CALN1: variants seen among roughly 807,000 people sequenced by gnomAD.
CALN1 encodes calneuron 1, also known as calcium-binding protein 8.
Under a neutral mutation model 30.6 loss-of-function variants are expected in CALN1, and 17 were observed. The observed-to-expected ratio is 0.56, with a 90% confidence interval of 0.38 to 0.83. The LOEUF (loss-of-function observed/expected upper bound fraction) is 0.83, where lower values mean the gene tolerates loss of function less well. Ranked by LOEUF, CALN1 falls within the 40% of genes least tolerant of loss-of-function variation. The pLI is 0.00. For missense variants in CALN1, 291 were observed against 354.9 expected (o/e 0.82, Z 1.45); for synonymous variants, 156 against 131.4 (o/e 1.19, Z -1.28).
At chr7:72,177,749 A>AG (rs57392713) in intron 3 of CALN1, among the ~76,000 whole-genome samples, 44,931 of 119,922 alleles carry the variant, frequency 0.37, 8,042 homozygotes, top group East Asian at 0.56. Context: ...TGGGCGACAG[A>AG]GGGAAAAAAA....
chr7:72,292,265 ATTC>A (rs1457525016), intron 2 of CALN1, among the ~76,000 whole-genome samples: 2 of 151,764 alleles, frequency 1.3e-5, no homozygotes, highest in Non-Finnish European at 2.9e-5. Context: ...GCTTGATCAA[ATTC>A]TTGATGAAGA....
the CALN1 span, among the ~76,000 whole-genome samples, chr7:72,501,982 CAT>C: frequency 0.057 from 6,390 of 112,762 alleles, 530 homozygotes; most frequent in Non-Finnish European, 0.079. Flanking sequence ...TATATACACA[CAT>C]ATATATATAA....
At chr7:71,788,488 GTTGTTTTTTTTTT>G (rs1481657251) in intron 6 of CALN1, among the ~76,000 whole-genome samples, 7 of 120,452 alleles carry the variant, frequency 5.8e-5, no homozygotes, top group Non-Finnish European at 1.2e-4. Flanking sequence ...GTTTTTTTTT[GTTGTTTTTTTTTT>G]TTTTTTTAGA....
At chr7:72,028,664 T>A (rs191503194) in intron 4 of CALN1, among the ~76,000 whole-genome samples, 1 of 152,320 alleles carries the variant, frequency 6.6e-6, no homozygotes, top group African/African-American at 2.4e-5. Context: ...GGCCAATGTA[T>A]GTTTTTCGCT....
intron 4 of CALN1, among the ~76,000 whole-genome samples, chr7:72,094,143 T>C (rs1047211276): frequency 1.3e-5 from 2 of 152,220 alleles, no homozygotes; most frequent in African/African-American, 2.4e-5. Flanking sequence ...CTGATGTGAA[T>C]GAACAGAGAA....
At chr7:71,829,900 C>A (rs1035763443) in intron 5 of CALN1, among the ~76,000 whole-genome samples, 1 of 152,160 alleles carries the variant, frequency 6.6e-6, no homozygotes, top group Non-Finnish European at 1.5e-5. Context: ...TCAAGTGGTT[C>A]ATTTTATGTG....
At chr7:71,928,351 A>G (rs918149215) in intron 5 of CALN1, among the ~76,000 whole-genome samples, 4 of 151,576 alleles carry the variant, frequency 2.6e-5, no homozygotes, top group Non-Finnish European at 5.9e-5. Context: ...GTTGTGTCCA[A>G]TCTCTCCTTG....
At chr7:72,503,554 T>C in the CALN1 span, among the ~76,000 whole-genome samples, 1 of 152,220 alleles carries the variant, frequency 6.6e-6, no homozygotes, top group Non-Finnish European at 1.5e-5. Flanking sequence ...TTCTGCAAGC[T>C]TGAGTTTCTC....
chr7:71,943,301 T>C (rs1165144874), intron 5 of CALN1, among the ~76,000 whole-genome samples: 3 of 152,224 alleles, frequency 2.0e-5, no homozygotes, highest in Non-Finnish European at 4.4e-5. Flanking sequence ...GTAGATACAG[T>C]ACTGCAGAGT....
chr7:72,027,449 G>A (rs1283288574), intron 4 of CALN1, among the ~76,000 whole-genome samples: 1 of 152,128 alleles, frequency 6.6e-6, no homozygotes, highest in African/African-American at 2.4e-5. Context: ...AGTGGCTCAT[G>A]CCTGTAATCC....
intron 5 of CALN1, among the ~76,000 whole-genome samples, chr7:71,966,086 T>A (rs911461473): frequency 8.3e-4 from 126 of 152,342 alleles, no homozygotes; most frequent in African/African-American, 2.8e-3. Context: ...ACCTGAAGGA[T>A]ATACAGTCTG....
intron 2 of CALN1, among the ~76,000 whole-genome samples, chr7:72,299,452 T>C (rs997252253): frequency 4.6e-5 from 1 of 21,902 alleles, no homozygotes; most frequent in South Asian, 1.4e-3. Context: ...TCATCTTTCA[T>C]AGTTAAGAGG....
At position 71,803,949 on chromosome 7, in the gene CALN1, CGTGTGT is replaced by C. The variant is rs56094367; in HGVS notation, c.658+6381_658+6386del. ...GGCTGTGTATTTGTGTATGTGTGTG[CGTGTGT>C]GTGTGTGTGTGTGTGTGCGTGCATG... On this transcript the variant is annotated intron_variant, in intron 6 of 6. Transcript: ENST00000395275. Among the ~76,000 whole-genome samples the C allele has an allele frequency of 3.4e-3, 511 of 149,766 alleles. 2 individuals are homozygous for C. Among genetic ancestry groups the C allele is most frequent in the African/African-American group, 0.012 (478 of 40,994 alleles).
intron 2 of CALN1, among the ~76,000 whole-genome samples, chr7:72,401,150 CTT>C (rs1806310774): frequency 6.6e-6 from 1 of 152,198 alleles, no homozygotes; most frequent in Non-Finnish European, 1.5e-5. Flanking sequence ...TCTTCTACTC[CTT>C]TCTCTCAAGG....
intron 3 of CALN1, among the ~76,000 whole-genome samples, chr7:72,147,648 CAT>C (rs1373641359): frequency 6.6e-6 from 1 of 151,962 alleles, no homozygotes; most frequent in African/African-American, 2.4e-5. Context: ...CACATGCACA[CAT>C]ATGTTTATTG....
intron 3 of CALN1, among the ~76,000 whole-genome samples, chr7:72,232,251 C>T (rs1006522259): frequency 1.3e-5 from 2 of 152,100 alleles, no homozygotes; most frequent in African/African-American, 4.8e-5. Flanking sequence ...ACTAAAGATC[C>T]CATTGTAGAA....
intron 2 of CALN1, among the ~76,000 whole-genome samples, chr7:72,358,679 G>C (rs954810968): frequency 1.3e-5 from 2 of 152,050 alleles, no homozygotes; most frequent in Non-Finnish European, 2.9e-5. Context: ...GGCCAGGCGC[G>C]GTGGCTCACA....
intron 6 of CALN1, among the ~76,000 whole-genome samples, chr7:71,794,962 G>T (rs1786804318): frequency 6.6e-6 from 1 of 152,178 alleles, no homozygotes; most frequent in African/African-American, 2.4e-5. Context: ...CAGCCAAGCA[G>T]GTCTCCTCAT....
chr7:72,313,296 G>A (rs572204783), intron 2 of CALN1, among the ~76,000 whole-genome samples: 1 of 152,150 alleles, frequency 6.6e-6, no homozygotes, highest in South Asian at 2.1e-4. Flanking sequence ...TATTTAGTAA[G>A]CATTATTGGG....
Sources: gnomAD v4.1 joint callset for allele counts (sites outside exome capture counted in the v4.1 genomes callset) on GRCh38, gnomAD v4.1.1 for gene constraint, MANE v1.5 for transcripts, NCBI Gene and HGNC (gene_info 2026-07-23, HGNC 2026-07-21) for gene names.